Variants in CBFB observed in about 807,000 individuals in gnomAD.
CBFB encodes core-binding factor subunit beta.
A neutral mutation model predicts 30.4 loss-of-function variants in CBFB; 9 were observed. The ratio of observed to expected loss-of-function variants is 0.30; its 90% confidence interval spans 0.18 to 0.52. The LOEUF (loss-of-function observed/expected upper bound fraction) is 0.52. Ranked by LOEUF, CBFB falls within the 20% of genes least tolerant of loss-of-function variation. CBFB has a pLI of 0.97. For synonymous variants in CBFB, 94 were observed against 84.0 expected (o/e 1.12, Z -0.65); for missense variants, 170 against 244.0 (o/e 0.70, Z 2.02).
chr16:67,035,039 G>T (rs1966418451), intron 2 of CBFB, among the ~76,000 whole-genome samples: 1 of 151,750 alleles, frequency 6.6e-6, no homozygotes, highest in African/African-American at 2.4e-5. Context: ...GTGTTGGGGG[G>T]TTTTTTGTTA....
chr16:67,072,054 T>C (rs1317517456), intron 4 of CBFB, among the ~76,000 whole-genome samples: 1 of 152,166 alleles, frequency 6.6e-6, no homozygotes, highest in African/African-American at 2.4e-5. Flanking sequence ...TTTTGAAAAG[T>C]TAAAGTTCAT....
chr16:67,053,129 A>G (rs1254601292), intron 3 of CBFB, among the ~76,000 whole-genome samples: 1 of 151,410 alleles, frequency 6.6e-6, no homozygotes, highest in Non-Finnish European at 1.5e-5. Context: ...TTTCTTTGTC[A>G]TTTTATTTCC....
intron 4 of CBFB, among the ~76,000 whole-genome samples, chr16:67,073,851 C>G (rs560675031): frequency 6.6e-6 from 1 of 151,912 alleles, no homozygotes; most frequent in East Asian, 1.9e-4. Flanking sequence ...GCCTGGCCAA[C>G]ATGGTGAAAC....
At position 67,029,563 on chromosome 16, in the gene CBFB, C is replaced by G; in HGVS notation, c.78+78C>G. The stretch of plus-strand genomic sequence containing the variant: ...CGGGCGGAGAAAAGTTTGGGCGGCA[C>G]GGTCCCCGGGAGTCCCGGTCGGTGC... On this transcript the variant is annotated intron_variant, in intron 1 of 5. Transcript: ENST00000412916. The G allele has an allele frequency of 2.1e-6, 3 of 1,449,986 alleles. No homozygotes were observed. The South Asian group carries it at 3.7e-5, about 18-fold the overall frequency. 89.8% of individuals were successfully genotyped at this position (1,449,986 alleles called of 1,614,324 possible). A position where few individuals can be genotyped will look rare whatever the true frequency, so the allele number is the denominator to read the frequency against.
chr16:67,041,724 TGTGAG>T, intron 3 of CBFB, among the ~76,000 whole-genome samples: 1 of 151,632 alleles, frequency 6.6e-6, no homozygotes, highest in South Asian at 2.1e-4. Flanking sequence ...GTTTAGCGCA[TGTGAG>T]GTTGTGGTGG....
intron 5 of CBFB, among the ~76,000 whole-genome samples, chr16:67,097,962 G>C (rs1962102543): frequency 6.6e-6 from 1 of 152,162 alleles, no homozygotes; most frequent in Non-Finnish European, 1.5e-5. Context: ...TTAATTCATG[G>C]AAAGTACTTA....
chr16:67,052,578 A>T (rs1200298592), intron 3 of CBFB, among the ~76,000 whole-genome samples: 2 of 141,686 alleles, frequency 1.4e-5, no homozygotes, highest in Non-Finnish European at 3.1e-5. Flanking sequence ...CCTGTCTCTT[A>T]AAAAAAAAAA....
At chr16:67,033,613 CTTTT>C (rs1186367448) in intron 2 of CBFB, among the ~76,000 whole-genome samples, 1 of 139,616 alleles carries the variant, frequency 7.2e-6, no homozygotes, top group Non-Finnish European at 1.6e-5. Context: ...CTTATCAATT[CTTTT>C]TTTTTTTTTT....
chr16:67,041,557 G>A (rs542597288), intron 3 of CBFB, among the ~76,000 whole-genome samples: 1 of 152,086 alleles, frequency 6.6e-6, no homozygotes, highest in East Asian at 1.9e-4. Flanking sequence ...AGCTGAGATC[G>A]TGCCACTGCA....
intron 3 of CBFB, among the ~76,000 whole-genome samples, chr16:67,047,296 G>T (rs1484926630): frequency 6.6e-6 from 1 of 152,088 alleles, no homozygotes; most frequent in Non-Finnish European, 1.5e-5. Flanking sequence ...AAAATAAAAC[G>T]TGCCTCTTGG....
intron 5 of CBFB, among the ~76,000 whole-genome samples, chr16:67,086,782 G>T (rs1961743309): frequency 6.6e-6 from 1 of 152,178 alleles, no homozygotes; most frequent in Non-Finnish European, 1.5e-5. Context: ...AAAATGCATT[G>T]TTTCTGTCTT....
At chr16:67,045,622 A>G (rs1352537696) in intron 3 of CBFB, among the ~76,000 whole-genome samples, 2 of 152,152 alleles carry the variant, frequency 1.3e-5, no homozygotes, top group Admixed American at 6.6e-5. Context: ...GCACTTGAAG[A>G]TTGTGAAGTC....
intron 2 of CBFB, among the ~76,000 whole-genome samples, chr16:67,034,124 G>A (rs185996895): frequency 4.2e-4 from 64 of 152,126 alleles, no homozygotes; most frequent in African/African-American, 1.3e-3. Context: ...CACTGCACCC[G>A]GCCTATTCTT....
intron 3 of CBFB, among the ~76,000 whole-genome samples, chr16:67,052,266 A>G (rs1451298289): frequency 6.6e-6 from 1 of 152,078 alleles, no homozygotes; most frequent in Non-Finnish European, 1.5e-5. Context: ...ACCTCTTTTT[A>G]CTTTTTAAAA....
chr16:67,050,578 T>G (rs1383428841), intron 3 of CBFB, among the ~76,000 whole-genome samples: 1 of 152,094 alleles, frequency 6.6e-6, no homozygotes, highest in Non-Finnish European at 1.5e-5. Context: ...GAGGATTGCT[T>G]GAGTCCAGGA....
chr16:67,054,024 C>G (rs1345501953), intron 3 of CBFB, among the ~76,000 whole-genome samples: 1 of 151,938 alleles, frequency 6.6e-6, no homozygotes, highest in Admixed American at 6.5e-5. Flanking sequence ...TTGGTGATGA[C>G]CATCCTCAGA....
chr16:67,058,844 G>A (rs1206860257), intron 3 of CBFB, among the ~76,000 whole-genome samples: 3 of 152,184 alleles, frequency 2.0e-5, no homozygotes, highest in Non-Finnish European at 2.9e-5. Context: ...ACAGAGAATC[G>A]AGATATCCTT....
At chr16:67,048,420 CAT>C (rs1348193050) in intron 3 of CBFB, among the ~76,000 whole-genome samples, 1 of 152,138 alleles carries the variant, frequency 6.6e-6, no homozygotes, top group Non-Finnish European at 1.5e-5. Context: ...CTTCCTGACA[CAT>C]ATTCTCAGTG....
chr16:67,057,010 T>C (rs1960748226), intron 3 of CBFB, among the ~76,000 whole-genome samples: 1 of 145,308 alleles, frequency 6.9e-6, no homozygotes, highest in Non-Finnish European at 1.5e-5. Flanking sequence ...TGAGATGGAG[T>C]CTCACTCTTT....
Sources: allele counts gnomAD v4.1 joint callset (sites outside exome capture counted in the v4.1 genomes callset), GRCh38; gene constraint gnomAD v4.1.1; transcripts MANE v1.5; gene names NCBI Gene and HGNC (gene_info 2026-07-23, HGNC 2026-07-21).